Variants in UPF1 observed in about 807,000 individuals in gnomAD.
UPF1 encodes the protein UPF1 RNA helicase and ATPase, also known as regulator of nonsense transcripts 1.
UPF1 carries 9 observed loss-of-function variants against 129.2 expected under a neutral mutation model. That is an observed-to-expected ratio of 0.07 (90% CI 0.04 to 0.12). UPF1 has a LOEUF of 0.12. Among genes scored for constraint, UPF1 ranks in the 10% least tolerant of loss-of-function variants. UPF1 has a pLI of 1.00. For missense variants in UPF1, 788 were observed against 1,525.3 expected, an observed-to-expected ratio of 0.52 and a Z score of 8.05; for synonymous variants, 649 against 644.9, an observed-to-expected ratio of 1.01 and a Z score of -0.10.
Position 18,850,681 on chromosome 19 carries a change from T to C in UPF1, c.630-7T>C, listed in dbSNP as rs2055649167. On this transcript the variant is annotated splice_polypyrimidine_tract_variant and splice_region_variant and intron_variant, in intron 4 of 23. Coordinates refer to ENST00000262803, the MANE Select transcript of UPF1 (RefSeq NM_002911.4). This position sits in a 1 kb window ranked among gnomAD's most constrained non-coding sequence, Gnocchi z 7.1. ...GCTGGTCCTCACGGCCCCCTCCCGC[T>C]CTGCAGGCAGCCCTGTGCCAGCCAG... The C allele has an allele frequency of 1.9e-6, 3 of 1,569,170 alleles. No individual in the cohort carries two copies. Among genetic ancestry groups the C allele is most frequent in the Non-Finnish European group, 2.6e-6 (3 of 1,154,104 alleles).
chr19:18,865,591 G>T lies in UPF1; in HGVS notation c.3050G>T (p.Arg1017Leu). The T allele has an allele frequency of 6.2e-7, 1 of 1,613,918 alleles. No individual in the cohort carries two copies. The highest frequency in any genetic ancestry group is 8.5e-7 in the Non-Finnish European group (1 of 1,180,032). The change falls in exon 22 of 24, where the codon CGT (arginine) becomes CTT (leucine). Residue 1017 changes from arginine to leucine, a missense_variant. Arg to Leu is a moderately radical substitution (Grantham distance 102). Transcript: ENST00000262803. This position sits in a 1 kb window ranked among gnomAD's most constrained non-coding sequence, Gnocchi z 6.1. ...GGCACCCCGAAAGGCAAGACTGGTC[G>T]TGGGGGACGCCAGAAGAACCGCTTT... ...GRGTPKGKTGRGGRQKNRFGL... is the reference protein window; with the variant it reads ...GRGTPKGKTGLGGRQKNRFGL...
chr19:18,848,515 A>T (rs1166760950), intron 3 of UPF1: 1 of 152,174 alleles, frequency 6.6e-6, no homozygotes, highest in Non-Finnish European at 1.5e-5. Flanking sequence ...GATGGAGCAG[A>T]GCCTGGGAGG....
intron 18 of UPF1, chr19:18,863,141 G>T (rs531338725): frequency 3.2e-6 from 1 of 316,006 alleles, no homozygotes; most frequent in African/African-American, 2.1e-5. Context: ...CGTGTGCCCC[G>T]GTGCCTGGAA....
At chr19:18,837,040 C>G (rs2055491227) in intron 1 of UPF1, among the ~76,000 whole-genome samples, 1 of 152,118 alleles carries the variant, frequency 6.6e-6, no homozygotes. Flanking sequence ...CCGTGAGCCA[C>G]TGCGCCCAGC....
In UPF1 at chr19:18,832,752, C is replaced by T. The variant is rs2055441960; in HGVS notation, c.231+312C>T. On this transcript the variant is annotated intron_variant, in intron 1 of 23. Transcript: ENST00000262803. This position sits in a 1 kb window ranked among gnomAD's most constrained non-coding sequence, Gnocchi z 5.6. The stretch of plus-strand genomic sequence containing the variant: ...GTCCTCCACTTCGTTCGGGACCGAG[C>T]TAACCTGACCCTGTTCCTTTACGCC... Among the ~76,000 whole-genome samples the T allele has an allele frequency of 6.6e-6, 1 of 152,198 alleles. No individual in the cohort carries two copies. Among genetic ancestry groups the T allele is most frequent in the East Asian group, 1.9e-4 (1 of 5,202 alleles).
intron 20 of UPF1, among the ~76,000 whole-genome samples, chr19:18,864,983 C>T (rs2055826177): frequency 6.6e-6 from 1 of 152,158 alleles, no homozygotes; most frequent in South Asian, 2.1e-4. Flanking sequence ...AGGTGGTCCA[C>T]CTCGGCTTCC....
At chr19:18,833,434 A>C (rs2055450248) in intron 1 of UPF1, among the ~76,000 whole-genome samples, 1 of 152,042 alleles carries the variant, frequency 6.6e-6, no homozygotes, top group Non-Finnish European at 1.5e-5. Flanking sequence ...GCCACGTTGG[A>C]AACTTATTTT....
rs2055860212 is a variant in UPF1 at position 18,867,194 on chromosome 19, C to T, written c.*677C>T. ...CAGAAACAGTTTAAACAAGCCAGCG[C>T]TACTGGAGAAGAGGAGCAACACCTG... On this transcript the variant is annotated 3_prime_UTR_variant, in exon 24 of 24. Coordinates refer to ENST00000262803, the MANE Select transcript of UPF1 (RefSeq NM_002911.4). The T allele has an allele frequency of 6.6e-6, 1 of 152,400 alleles. No individual in the cohort carries two copies. The highest frequency in any genetic ancestry group is 1.5e-5 in the Non-Finnish European group (1 of 68,046). The allele number at this position is 152,400 out of a possible 1,614,324, so 9.4% of individuals were successfully genotyped here.
chr19:18,865,805 A>G lies in UPF1; in HGVS notation c.3237+27A>G. 2 of 1,610,950 alleles carry G rather than the reference A, an allele frequency of 1.2e-6. No homozygotes were observed. Among genetic ancestry groups the G allele is most frequent in the Non-Finnish European group, 1.7e-6 (2 of 1,179,688 alleles). The stretch of plus-strand genomic sequence containing the variant: ...TGAGCCCGCCCCTGGGACGGGACTT[A>G]CCTGAGTGAGGGTGGGGCTATGCAC... On this transcript the variant is annotated intron_variant, in intron 22 of 23. Coordinates refer to ENST00000262803, the MANE Select transcript of UPF1 (RefSeq NM_002911.4). The surrounding 1 kb of genome is among the most constrained non-coding windows in gnomAD (Gnocchi z 6.1).
chr19:18,841,850 G>A (rs752690721), intron 1 of UPF1, among the ~76,000 whole-genome samples: 8 of 152,184 alleles, frequency 5.3e-5, no homozygotes, highest in Non-Finnish European at 1.2e-4. Flanking sequence ...AGGGTCTGCC[G>A]GTCCACACAG....
chr19:18,834,359 A>C (rs2055461081), intron 1 of UPF1, among the ~76,000 whole-genome samples: 1 of 152,188 alleles, frequency 6.6e-6, no homozygotes, highest in Non-Finnish European at 1.5e-5. Context: ...ATAAAACAGC[A>C]AACCTGGGGC....
intron 15 of UPF1, chr19:18,859,584 G>A (rs777851596): frequency 1.2e-4 from 19 of 152,238 alleles, no homozygotes; most frequent in Non-Finnish European, 1.8e-4. Context: ...AGCTCGACGT[G>A]GGATCATATG....
At chr19:18,848,588 A>G (rs2055624507) in intron 3 of UPF1, among the ~76,000 whole-genome samples, 1 of 151,904 alleles carries the variant, frequency 6.6e-6, no homozygotes, top group African/African-American at 2.4e-5. Flanking sequence ...GTTCTGGAGA[A>G]AGAAAATGAC....
At chr19:18,861,116 A>G (rs1164941899) in intron 17 of UPF1, 134 bp downstream of exon 17, 2 of 1,242,482 alleles carry the variant, frequency 1.6e-6, no homozygotes, top group Non-Finnish European at 2.2e-6. Flanking sequence ...CAGCTGGCCC[A>G]CCCTCTGGGG....
chr19:18,860,520 C>T, intron 16 of UPF1, 82 bp downstream of exon 16: 7 of 1,402,956 alleles, frequency 5.0e-6, no homozygotes, highest in East Asian at 2.3e-5. Flanking sequence ...TTATTTTTAA[C>T]ATGGGACTGA....
At chr19:18,852,708 T>C (rs1328564908) in intron 6 of UPF1, among the ~76,000 whole-genome samples, 1 of 138,770 alleles carries the variant, frequency 7.2e-6, no homozygotes, top group East Asian at 2.5e-4. Flanking sequence ...CCTCTCTCTC[T>C]TCCTCCCTCC....
chr19:18,866,951 G>A lies in UPF1; in HGVS notation c.*434G>A, dbSNP rs1044025507. On this transcript the variant is annotated 3_prime_UTR_variant, in exon 24 of 24. Transcript: ENST00000262803. Reference sequence around the variant, plus strand: ...GCTCCTTGCAAAGACAGCAGCGTGCGGGGCAGAGCCCCGGGAGGGCGCGTC... The same window carrying A: ...GCTCCTTGCAAAGACAGCAGCGTGCAGGGCAGAGCCCCGGGAGGGCGCGTC... The A allele has an allele frequency of 5.2e-5, 8 of 152,612 alleles. No individual in the cohort carries two copies. Among genetic ancestry groups the A allele is most frequent in the African/African-American group, 1.7e-4 (7 of 41,476 alleles). 9.5% of individuals were successfully genotyped at this position (152,612 alleles called of 1,614,324 possible).
rs913135166 is a variant in UPF1, at chr19:18,862,063, C to T, written c.2511C>T (p.Ile837=). The part of the protein sequence containing the change: ...DAFQGREKDF[I]ILSCVRANEH... ...TTCAGGGACGCGAGAAGGACTTCATCATCCTGTCCTGTGTGCGGGCCAACG... is the reference window on the plus strand; with the variant it reads ...TTCAGGGACGCGAGAAGGACTTCATTATCCTGTCCTGTGTGCGGGCCAACG... The change falls in exon 18 of 24, where the codon ATC becomes ATT. Residue 837 remains isoleucine (I), a synonymous_variant. Transcript: ENST00000262803. The T allele has an allele frequency of 6.8e-6, 11 of 1,614,092 alleles. No homozygotes were observed. Among genetic ancestry groups the T allele is most frequent in the Non-Finnish European group, 9.3e-6 (11 of 1,180,040 alleles).
intron 15 of UPF1, 144 bp downstream of exon 15, chr19:18,857,677 A>C (rs772084181): frequency 1.1e-6 from 1 of 947,570 alleles, no homozygotes; most frequent in Non-Finnish European, 1.6e-6. Context: ...TTTGTGCCCA[A>C]GGTCTTGATG....
Sources: gnomAD v4.1 joint callset for allele counts (sites outside exome capture counted in the v4.1 genomes callset) on GRCh38, gnomAD v4.1.1 for gene constraint, Gnocchi (gnomAD v3.1) non-coding constraint, MANE v1.5 for transcripts, NCBI Gene and HGNC (gene_info 2026-07-23, HGNC 2026-07-21) for gene names.